Variants in CLSTN2 observed in about 807,000 individuals in gnomAD.
CLSTN2 encodes the protein calsyntenin 2, also known as calsyntenin-2.
A neutral mutation model predicts 101.2 loss-of-function variants in CLSTN2; 48 were observed. The ratio of observed to expected loss-of-function variants is 0.47; its 90% confidence interval spans 0.38 to 0.60. The LOEUF (loss-of-function observed/expected upper bound fraction) is 0.60. Ranked by LOEUF, CLSTN2 falls within the 20% of genes least tolerant of loss-of-function variation. The pLI is 0.00. For synonymous variants in CLSTN2, 481 were observed against 463.6 expected (o/e 1.04, Z -0.48); for missense variants, 1,160 against 1,238.2 (o/e 0.94, Z 0.95).
intron 2 of CLSTN2, among the ~76,000 whole-genome samples, chr3:140,231,050 C>T (rs543986025): frequency 6.6e-6 from 1 of 152,302 alleles, no homozygotes; most frequent in South Asian, 2.1e-4. Context: ...ACTATTTCTT[C>T]ACAATGAAAC....
At chr3:140,432,328 G>C (rs555228564) in intron 5 of CLSTN2, among the ~76,000 whole-genome samples, 1 of 152,180 alleles carries the variant, frequency 6.6e-6, no homozygotes, top group South Asian at 2.1e-4. Flanking sequence ...AACCACACAC[G>C]ATGGGGCTCA....
chr3:139,937,637 G>C (rs1339182891), intron 1 of CLSTN2, among the ~76,000 whole-genome samples: 2 of 151,710 alleles, frequency 1.3e-5, no homozygotes, highest in African/African-American at 2.4e-5. Flanking sequence ...CCAGCTACTC[G>C]GGAGGCTGAG....
chr3:140,220,786 G>C (rs1032595806), intron 2 of CLSTN2, among the ~76,000 whole-genome samples: 9 of 152,358 alleles, frequency 5.9e-5, no homozygotes, highest in East Asian at 1.9e-4. Flanking sequence ...GCTGATTTGT[G>C]ATGGGGACAG....
intron 11 of CLSTN2, 51 bp from the exon 12 acceptor site, chr3:140,558,589 G>A (rs1358673398): frequency 6.7e-7 from 1 of 1,498,558 alleles, no homozygotes; most frequent in Non-Finnish European, 9.3e-7. Flanking sequence ...CTGTATGACA[G>A]ATGGTTTAAT....
chr3:140,544,968 T>G (rs1935559368), intron 9 of CLSTN2, among the ~76,000 whole-genome samples: 1 of 152,030 alleles, frequency 6.6e-6, no homozygotes, highest in Non-Finnish European at 1.5e-5. Flanking sequence ...TGGATCTAGA[T>G]TCAAACAGGA....
intron 1 of CLSTN2, among the ~76,000 whole-genome samples, chr3:139,974,145 C>A (rs960510386): frequency 1.3e-5 from 2 of 152,166 alleles, no homozygotes; most frequent in Non-Finnish European, 2.9e-5. Context: ...CAGTTCGACC[C>A]AAGCCCAAAG....
intron 8 of CLSTN2, among the ~76,000 whole-genome samples, chr3:140,498,049 C>A (rs774004339): frequency 6.6e-6 from 1 of 152,148 alleles, no homozygotes; most frequent in African/African-American, 2.4e-5. Flanking sequence ...CTAGATATTT[C>A]GGTTGAAGGT....
chr3:140,350,068 C>A (rs2087589025), intron 2 of CLSTN2, among the ~76,000 whole-genome samples: 1 of 152,208 alleles, frequency 6.6e-6, no homozygotes, highest in African/African-American at 2.4e-5. Flanking sequence ...GTTAATGAAC[C>A]TCTTTTTACT....
chr3:140,214,786 A>G (rs1224796730), intron 2 of CLSTN2, among the ~76,000 whole-genome samples: 1 of 152,226 alleles, frequency 6.6e-6, no homozygotes, highest in Non-Finnish European at 1.5e-5. Context: ...GAAATTCAGT[A>G]ACGGCATAAT....
intron 8 of CLSTN2, among the ~76,000 whole-genome samples, chr3:140,490,117 T>TACACAC (rs71637079): frequency 5.1e-4 from 1 of 1,964 alleles, no homozygotes; most frequent in African/African-American, 1.2e-3. Context: ...TATATATATA[T>TACACAC]ACACACACAC....
intron 2 of CLSTN2, among the ~76,000 whole-genome samples, chr3:140,187,491 ACT>A (rs935570249): frequency 2.6e-5 from 4 of 151,670 alleles, no homozygotes; most frequent in Admixed American, 2.6e-4. Context: ...TGTTGTTTGA[ACT>A]CTTAGTGATA....
intron 1 of CLSTN2, among the ~76,000 whole-genome samples, chr3:140,026,698 T>C (rs527966306): frequency 6.6e-6 from 1 of 152,344 alleles, no homozygotes; most frequent in Non-Finnish European, 1.5e-5. Flanking sequence ...ATCTTCTCTG[T>C]CTTTTCATGG....
At chr3:139,937,217 A>G (rs535916423) in intron 1 of CLSTN2, among the ~76,000 whole-genome samples, 8 of 152,322 alleles carry the variant, frequency 5.3e-5, no homozygotes, top group African/African-American at 1.9e-4. Flanking sequence ...AGTGCAGAAC[A>G]GGGAAGAAAT....
At chr3:139,998,034 A>T (rs1213067291) in intron 1 of CLSTN2, among the ~76,000 whole-genome samples, 4 of 152,210 alleles carry the variant, frequency 2.6e-5, no homozygotes, top group African/African-American at 9.6e-5. Context: ...CAGTATTAGA[A>T]AAAAACCTTG....
At chr3:139,998,321 A>T (rs1321783056) in intron 1 of CLSTN2, among the ~76,000 whole-genome samples, 4 of 104,280 alleles carry the variant, frequency 3.8e-5, no homozygotes, top group Admixed American at 1.0e-4. Context: ...ATGGGATAAT[A>T]GTTCCCCCAC....
At chr3:140,271,646 T>C (rs1015830517) in intron 2 of CLSTN2, among the ~76,000 whole-genome samples, 1 of 152,176 alleles carries the variant, frequency 6.6e-6, no homozygotes, top group African/African-American at 2.4e-5. Flanking sequence ...CCCCCTCTTA[T>C]GACATAATCA....
At chr3:140,060,123 C>T (rs1426283831) in intron 1 of CLSTN2, among the ~76,000 whole-genome samples, 1 of 152,182 alleles carries the variant, frequency 6.6e-6, no homozygotes, top group Non-Finnish European at 1.5e-5. Context: ...AGCGAGGTTC[C>T]TGGCATATAG....
intron 2 of CLSTN2, among the ~76,000 whole-genome samples, chr3:140,287,624 A>G (rs1332290864): frequency 6.6e-6 from 1 of 152,186 alleles, no homozygotes; most frequent in Non-Finnish European, 1.5e-5. Flanking sequence ...TGAGAAAAAA[A>G]CATAGTTTTT....
At chr3:140,365,187 G>A (rs1034704152) in intron 2 of CLSTN2, among the ~76,000 whole-genome samples, 1 of 152,112 alleles carries the variant, frequency 6.6e-6, no homozygotes, top group Non-Finnish European at 1.5e-5. Context: ...ATTGCTGCCG[G>A]ACTAATATTT....
Sources: gnomAD v4.1 joint callset for allele counts (sites outside exome capture counted in the v4.1 genomes callset) on GRCh38, gnomAD v4.1.1 for gene constraint, MANE v1.5 for transcripts, NCBI Gene and HGNC (gene_info 2026-07-23, HGNC 2026-07-21) for gene names.